MMP17: variants seen among roughly 807,000 people sequenced by gnomAD.
MMP17 encodes the protein matrix metalloproteinase-17.
Under a neutral mutation model 49.1 loss-of-function variants are expected in MMP17, and 54 were observed. The ratio of observed to expected loss-of-function variants is 1.10; its 90% CI spans 0.88 to 1.38. MMP17 has a LOEUF of 1.38. Among genes scored for constraint, MMP17 ranks in the 40% most tolerant of loss-of-function variants. The pLI is 0.00. For missense variants in MMP17, 837 were observed against 853.7 expected, an observed-to-expected ratio of 0.98 and a Z score of 0.24; for synonymous variants, 397 against 383.1, an observed-to-expected ratio of 1.04 and a Z score of -0.42.
intron 8 of MMP17, among the ~76,000 whole-genome samples, chr12:131,847,344 C>T (rs1434268323): frequency 1.4e-5 from 2 of 143,458 alleles, no homozygotes; most frequent in South Asian, 2.2e-4. Context: ...ACCTGGGAGG[C>T]GGAGTTTGCA....
rs773919112 is a variant in MMP17 at position 131,845,104 on chromosome 12, C to G, written c.969-14C>G. Reference sequence around the variant, plus strand: ...AGGCCCCGCCTCCCAGCCCACCTGGCTCTCTCCCTGCAGGCCCAGGAAGGA... The same window carrying G: ...AGGCCCCGCCTCCCAGCCCACCTGGGTCTCTCCCTGCAGGCCCAGGAAGGA... On this transcript the variant is annotated splice_polypyrimidine_tract_variant and intron_variant, in intron 6 of 9. Transcript: ENST00000360564. The G allele has an allele frequency of 4.4e-6, 7 of 1,598,590 alleles. No individual in the cohort carries two copies. The highest frequency in any genetic ancestry group is 3.4e-5 in the Admixed American group (2 of 59,552).
At chr12:131,842,166 G>A (rs1335806781) in intron 5 of MMP17, among the ~76,000 whole-genome samples, 1 of 152,232 alleles carries the variant, frequency 6.6e-6, no homozygotes, top group Non-Finnish European at 1.5e-5. Flanking sequence ...CCAGAGGTAT[G>A]TAGATTGCCT....
intron 1 of MMP17, among the ~76,000 whole-genome samples, 200 bp downstream of exon 1, chr12:131,828,853 T>A (rs1189727103): frequency 6.6e-6 from 1 of 151,840 alleles, no homozygotes; most frequent in African/African-American, 2.4e-5. Flanking sequence ...ACGCGAGTCC[T>A]GGGGAGGCGC....
chr12:131,837,131 C>T (rs557256254), intron 1 of MMP17, among the ~76,000 whole-genome samples: 2 of 152,314 alleles, frequency 1.3e-5, no homozygotes, highest in Admixed American at 6.5e-5. Context: ...CTGTCCCCTG[C>T]GCCAGGTGCT....
Position 131,851,277 on chromosome 12 carries a change from C to T in MMP17, c.*3C>T. On this transcript the variant is annotated 3_prime_UTR_variant, in exon 10 of 10. Transcript: ENST00000360564. ...CGGCCCAGGCCCTGACGCTATGACA[C>T]ACAGCGCGAGCCCATGAGAGGACAG... is the stretch of plus-strand genomic sequence containing the variant. The T allele has an allele frequency of 1.4e-6, 2 of 1,417,760 alleles. No individual in the cohort carries two copies. Among genetic ancestry groups the T allele is most frequent in the Non-Finnish European group, 1.8e-6 (2 of 1,082,854 alleles). 87.8% of individuals were successfully genotyped at this position (1,417,760 alleles called of 1,614,324 possible). A position where few individuals can be genotyped will look rare whatever the true frequency, so the allele number is the denominator to read the frequency against.
chr12:131,844,935 C>CGTAT, intron 6 of MMP17, 183 bp from the exon 7 acceptor site: 3 of 611,898 alleles, frequency 4.9e-6, no homozygotes, highest in South Asian at 1.9e-5. Flanking sequence ...CGGCCCCCGC[C>CGTAT]CGCTGAAGCG....
At chr12:131,834,923 T>G (rs1887003561) in intron 1 of MMP17, among the ~76,000 whole-genome samples, 1 of 152,054 alleles carries the variant, frequency 6.6e-6, no homozygotes, top group African/African-American at 2.4e-5. Context: ...CCACCCACAC[T>G]GGGAGCACAG....
In MMP17 at chr12:131,840,752, A is replaced by T. The variant is rs767160259; in HGVS notation, c.602A>T (p.Asp201Val). Residue 201 changes from aspartate (D) to valine (V), a missense_variant, in exon 4 of 10, where the codon GAC (aspartate) becomes GTC (valine). By Grantham distance (152) the Asp-to-Val change is radical. Transcript: ENST00000360564. The stretch of plus-strand genomic sequence containing the variant: ...GACCATAACGACGGCTACCCCTTCG[A>T]CGGCCCCGGCGGCACCGTGGCCCAC... ...KADHNDGYPF[D>V]GPGGTVAHAF... 6.2e-7 allele frequency: 1 copy of T among 1,604,382 alleles called. No homozygotes were observed. Among genetic ancestry groups the T allele is most frequent in the South Asian group, 1.1e-5 (1 of 91,080 alleles).
chr12:131,840,969 G>A (rs1887377182), intron 4 of MMP17, 113 bp downstream of exon 4: 1 of 1,281,426 alleles, frequency 7.8e-7, no homozygotes, highest in Non-Finnish European at 1.0e-6. Flanking sequence ...ACACGCGGCT[G>A]CTCCTGAGCA....
At chr12:131,834,103 C>T (rs987697866) in intron 1 of MMP17, among the ~76,000 whole-genome samples, 21 of 152,100 alleles carry the variant, frequency 1.4e-4, no homozygotes, top group African/African-American at 2.2e-4. Context: ...CCTGCCTGTG[C>T]CCCCCAGGGC....
chr12:131,840,996 A>G, intron 4 of MMP17, 140 bp downstream of exon 4: 1 of 1,122,940 alleles, frequency 8.9e-7, no homozygotes, highest in African/African-American at 1.6e-5. Flanking sequence ...GGCATTTCCC[A>G]CTAGGCCGAT....
intron 8 of MMP17, among the ~76,000 whole-genome samples, chr12:131,847,157 A>G (rs1469257434): frequency 2.0e-5 from 3 of 151,724 alleles, no homozygotes; most frequent in Non-Finnish European, 4.4e-5. Context: ...TCACGCCTGC[A>G]ATCCCAGCAT....
intron 5 of MMP17, among the ~76,000 whole-genome samples, 163 bp from the exon 6 acceptor site, chr12:131,843,834 G>A (rs964568381): frequency 1.3e-5 from 2 of 152,144 alleles, no homozygotes; most frequent in African/African-American, 2.4e-5. Context: ...CCACCTCGAC[G>A]TCAGCTCTGG....
chr12:131,837,880 T>G (rs1044114557), intron 1 of MMP17, among the ~76,000 whole-genome samples: 4 of 152,078 alleles, frequency 2.6e-5, no homozygotes, highest in Non-Finnish European at 5.9e-5. Flanking sequence ...CCGGCTAATT[T>G]TTTGTATTTT....
intron 2 of MMP17, 138 bp downstream of exon 2, chr12:131,838,465 TG>T: frequency 2.1e-6 from 3 of 1,449,310 alleles, no homozygotes; most frequent in Non-Finnish European, 2.7e-6. Flanking sequence ...GCTCAGAGCC[TG>T]GGGCTGGTCC....
intron 1 of MMP17, among the ~76,000 whole-genome samples, chr12:131,832,798 C>G (rs1378296986): frequency 6.6e-6 from 1 of 152,184 alleles, no homozygotes; most frequent in Non-Finnish European, 1.5e-5. Context: ...ATCTGGCCCA[C>G]CTCCTTCTCC....
At chr12:131,839,702 C>T in intron 3 of MMP17, among the ~76,000 whole-genome samples, 1 of 152,152 alleles carries the variant, frequency 6.6e-6, no homozygotes, top group East Asian at 1.9e-4. Flanking sequence ...AATCATGGCA[C>T]TTTGGGAGGC....
rs750753080 is a variant in MMP17, at chr12:131,844,008, T to A, written c.895T>A (p.Ser299Thr). Residue 299 changes from serine to threonine, a missense_variant, in exon 6 of 10, where the codon TCT (serine) becomes ACT (threonine). Physicochemically the swap from Ser to Thr is moderately conservative, Grantham distance 58 (BLOSUM62 1). Transcript: ENST00000360564. ...CTTGTCTCCCGCAGGTGTGCGGGAG[T>A]CTGTGTCTCCCACGGCGCAGCCCGA... ...RVWQLYGVRE[S>T]VSPTAQPEEP... is the part of the protein sequence containing the mutation. The A allele has an allele frequency of 1.9e-6, 3 of 1,561,580 alleles. No individual in the cohort carries two copies. Among genetic ancestry groups the A allele is most frequent in the South Asian group, 2.3e-5 (2 of 85,196 alleles).
intron 8 of MMP17, among the ~76,000 whole-genome samples, chr12:131,847,270 G>A (rs1051333064): frequency 6.6e-5 from 10 of 151,764 alleles, no homozygotes; most frequent in Admixed American, 1.3e-4. Flanking sequence ...AAAATTTGCC[G>A]GGCGTGGTGG....
Sources: allele counts gnomAD v4.1 joint callset (sites outside exome capture counted in the v4.1 genomes callset), GRCh38; gene constraint gnomAD v4.1.1; transcripts MANE v1.5; gene names NCBI Gene and HGNC (gene_info 2026-07-23, HGNC 2026-07-21).